Variants in SNTN observed in about 807,000 individuals in gnomAD.
SNTN encodes sentan, cilia apical structure protein, also known as sentan.
SNTN carries 13 observed loss-of-function variants against 12.3 expected under a neutral mutation model. The ratio of observed to expected loss-of-function variants is 1.05; its 90% confidence interval spans 0.69 to 1.67. The LOEUF (loss-of-function observed/expected upper bound fraction) is 1.67. Ranked by LOEUF, SNTN falls within the 40% of genes most tolerant of loss-of-function variation. SNTN has a pLI of 0.00. For missense variants in SNTN, 189 were observed against 169.8 expected (o/e 1.11, Z -0.63); for synonymous variants, 69 against 58.5 (o/e 1.18, Z -0.82).
rs777359463 is a variant in SNTN at position 63,652,798 on chromosome 3, G to C, written c.110+1G>C. 1.9e-6 allele frequency: 3 copies of C among 1,613,212 alleles called. No individual in the cohort carries two copies. In the Admixed American group the frequency reaches 5.0e-5, roughly 27 times the overall value. On this transcript the variant is annotated splice_donor_variant, in intron 1 of 3. Coordinates refer to ENST00000343837, the MANE Select transcript of SNTN (RefSeq NM_001080537.2). LOFTEE classifies it high-confidence loss of function. Reference sequence around the variant, plus strand: ...GCGCACCTAGGAAAATGCCCAAAAGGTCAGTGGCACTTGGCTGTCTTTTAT... The same window carrying C: ...GCGCACCTAGGAAAATGCCCAAAAGCTCAGTGGCACTTGGCTGTCTTTTAT...
chr3:63,654,905 C>A (rs1403010478), intron 2 of SNTN, 109 bp downstream of exon 2: 2 of 961,232 alleles, frequency 2.1e-6, no homozygotes, highest in Non-Finnish European at 3.2e-6. Flanking sequence ...TGTAAGGGAA[C>A]TTTTGAATAA....
At chr3:63,661,864 T>C (rs1700746886) in intron 3 of SNTN, among the ~76,000 whole-genome samples, 1 of 152,074 alleles carries the variant, frequency 6.6e-6, no homozygotes, top group African/African-American at 2.4e-5. Flanking sequence ...TCAGCAAGCT[T>C]TTAACACATA....
chr3:63,657,012 G>C (rs887394936), intron 2 of SNTN, among the ~76,000 whole-genome samples: 6 of 152,164 alleles, frequency 3.9e-5, no homozygotes, highest in Admixed American at 3.9e-4. Flanking sequence ...ATTCATCCCA[G>C]GGAGGAGTCA....
At chr3:63,658,721 G>A (rs531657429) in intron 2 of SNTN, among the ~76,000 whole-genome samples, 10 of 152,130 alleles carry the variant, frequency 6.6e-5, no homozygotes, top group African/African-American at 7.2e-5. Context: ...GGTCTTGTCC[G>A]CTCTGTATTC....
rs774038786 is a variant in SNTN at position 63,659,869 on chromosome 3, G to A, written c.285+5G>A. 1.9e-6 allele frequency: 3 copies of A among 1,613,884 alleles called. No homozygotes were observed. Among genetic ancestry groups the A allele is most frequent in the Non-Finnish European group, 8.5e-7 (1 of 1,179,862 alleles). On this transcript the variant is annotated splice_donor_5th_base_variant and intron_variant, in intron 3 of 3. Coordinates refer to ENST00000343837, the MANE Select transcript of SNTN (RefSeq NM_001080537.2). ...CAATTTAGGAATTTCGCAGAGGTGA[G>A]AGAATTAACTTGCATAAAGAAACAG...
intron 2 of SNTN, among the ~76,000 whole-genome samples, chr3:63,657,140 T>C (rs1352750363): frequency 6.6e-6 from 1 of 152,192 alleles, no homozygotes; most frequent in Non-Finnish European, 1.5e-5. Context: ...TCACAGGGCC[T>C]GGTAATAAAT....
At chr3:63,657,238 G>C (rs1279180217) in intron 2 of SNTN, among the ~76,000 whole-genome samples, 2 of 152,098 alleles carry the variant, frequency 1.3e-5, no homozygotes, top group African/African-American at 2.4e-5. Context: ...GTGAGCTAGG[G>C]AATAACAAAG....
chr3:63,661,894 G>T (rs1233071224), intron 3 of SNTN, among the ~76,000 whole-genome samples: 1 of 152,080 alleles, frequency 6.6e-6, no homozygotes, highest in Non-Finnish European at 1.5e-5. Context: ...AGAACTAATG[G>T]ATGCACCATC....
chr3:63,654,322 C>A (rs1700652908), intron 1 of SNTN, among the ~76,000 whole-genome samples: 1 of 152,162 alleles, frequency 6.6e-6, no homozygotes, highest in Admixed American at 6.5e-5. Flanking sequence ...ATGTGACAGT[C>A]CAGAGTGGGA....
chr3:63,662,418 A>T (rs1700752660), intron 3 of SNTN, among the ~76,000 whole-genome samples: 1 of 152,334 alleles, frequency 6.6e-6, no homozygotes, highest in East Asian at 1.9e-4. Flanking sequence ...ATAGAATTTT[A>T]AAAAGCACCT....
intron 3 of SNTN, among the ~76,000 whole-genome samples, chr3:63,661,412 A>G (rs1700743004): frequency 6.6e-6 from 1 of 152,208 alleles, no homozygotes; most frequent in Non-Finnish European, 1.5e-5. Context: ...ATATGGTTTC[A>G]GTGCACTACA....
intron 3 of SNTN, chr3:63,663,719 A>G: frequency 1.5e-6 from 1 of 669,576 alleles, no homozygotes; most frequent in Non-Finnish European, 2.8e-6. Flanking sequence ...TTCTACCATG[A>G]GTGGAAGCAG....
intron 1 of SNTN, among the ~76,000 whole-genome samples, chr3:63,653,166 A>G (rs1398185367): frequency 6.6e-6 from 1 of 152,232 alleles, no homozygotes; most frequent in African/African-American, 2.4e-5. Flanking sequence ...GTTCTTTCTC[A>G]TATAATTTCA....
At chr3:63,661,371 T>G (rs1478566641) in intron 3 of SNTN, among the ~76,000 whole-genome samples, 1 of 152,210 alleles carries the variant, frequency 6.6e-6, no homozygotes, top group Non-Finnish European at 1.5e-5. Context: ...TCTCTCTATA[T>G]ATGCACACAT....
Position 63,653,507 on chromosome 3 carries a change from A to C in SNTN, c.110+710A>C, listed in dbSNP as rs574898582. On this transcript the variant is annotated intron_variant, in intron 1 of 3. Coordinates refer to ENST00000343837, the MANE Select transcript of SNTN (RefSeq NM_001080537.2). The stretch of plus-strand genomic sequence containing the variant: ...GTCCAGCTTTGTAATGTTACAAGTG[A>C]AAAAAATGAGGAACCCCTAAAGACA... Among the ~76,000 whole-genome samples the C allele has an allele frequency of 1.3e-4, 20 of 152,250 alleles. 1 individual carries two copies. In the South Asian group the frequency reaches 3.3e-3, roughly 25 times the overall value.
At chr3:63,661,768 C>G (rs1351947142) in intron 3 of SNTN, among the ~76,000 whole-genome samples, 1 of 151,436 alleles carries the variant, frequency 6.6e-6, no homozygotes, top group East Asian at 1.9e-4. Context: ...AAATCCTATA[C>G]CATTTGCCCA....
chr3:63,657,639 AG>A, intron 2 of SNTN, among the ~76,000 whole-genome samples: 1 of 152,280 alleles, frequency 6.6e-6, no homozygotes, highest in East Asian at 1.9e-4. Flanking sequence ...AAAGAGATGC[AG>A]GAAAAGAATG....
At position 63,664,260 on chromosome 3, in the gene SNTN, T is replaced by C. The variant is rs937914522; in HGVS notation, c.*165T>C. On this transcript the variant is annotated 3_prime_UTR_variant, in exon 4 of 4. Coordinates refer to ENST00000343837, the MANE Select transcript of SNTN (RefSeq NM_001080537.2). Reference sequence around the variant, plus strand: ...CAATGTAACTCCAAATATTTACCCATACACTTCAAGAATGTTTGAATGATA... The same window carrying C: ...CAATGTAACTCCAAATATTTACCCACACACTTCAAGAATGTTTGAATGATA... 2.1e-5 allele frequency: 13 copies of C among 621,374 alleles called. No individual in the cohort carries two copies. Among genetic ancestry groups the C allele is most frequent in the Non-Finnish European group, 3.3e-5 (12 of 368,604 alleles). 38.5% of individuals were successfully genotyped at this position (621,374 alleles called of 1,614,324 possible).
chr3:63,654,300 T>G (rs1419416688), intron 1 of SNTN, among the ~76,000 whole-genome samples: 1 of 152,194 alleles, frequency 6.6e-6, no homozygotes, highest in Non-Finnish European at 1.5e-5. Flanking sequence ...GCGAAGTCCT[T>G]TTTTCTTTGC....
Sources: gnomAD v4.1 joint callset for allele counts (sites outside exome capture counted in the v4.1 genomes callset) on GRCh38, gnomAD v4.1.1 for gene constraint, MANE v1.5 for transcripts, NCBI Gene and HGNC (gene_info 2026-07-23, HGNC 2026-07-21) for gene names.